CGAS: variants seen among roughly 807,000 people sequenced by gnomAD.
The protein encoded by CGAS is cyclic GMP-AMP synthase.
In CGAS, 31 loss-of-function variants were observed where a neutral mutation model predicts 34.0. The observed-to-expected ratio is 0.91, with a 90% CI of 0.69 to 1.23. The LOEUF is 1.23. Among genes scored for constraint, CGAS ranks in the 50% most tolerant of loss-of-function variants. The pLI is 0.00. For synonymous variants in CGAS, 266 were observed against 260.0 expected, an observed-to-expected ratio of 1.02 and a Z score of -0.22; for missense variants, 597 against 657.6, an observed-to-expected ratio of 0.91 and a Z score of 1.01.
rs534147771 is a variant in CGAS at position 73,451,130 on chromosome 6, T to C, written c.657+395A>G. Among the ~76,000 whole-genome samples, 6 of 152,210 alleles carry C rather than the reference T, an allele frequency of 3.9e-5. No homozygotes were observed. The South Asian group carries it at 1.0e-3, about 26-fold the overall frequency. ...TCTATGGAGTAAGAGGTCTTCCTCA[T>C]AGGAAAAAGTCTACGTGGAATTTTT... On this transcript the variant is annotated intron_variant, in intron 1 of 4. Transcript: ENST00000370315.
chr6:73,426,700 T>C (rs1344517778), intron 4 of CGAS, among the ~76,000 whole-genome samples: 1 of 152,040 alleles, frequency 6.6e-6, no homozygotes, highest in Non-Finnish European at 1.5e-5. Context: ...AAATTTTTTC[T>C]TTTCTAAAAT....
rs753473978 is a variant in CGAS, at chr6:73,428,761, T to G, written c.1165A>C (p.Asn389His). The G allele has an allele frequency of 5.0e-6, 8 of 1,613,936 alleles. No homozygotes were observed. The South Asian group carries it at 6.6e-5, about 13-fold the overall frequency. Residue 389 changes from asparagine to histidine, a missense_variant, in exon 4 of 5, where the codon AAT becomes CAT. Physicochemically the swap from Asn to His is moderately conservative, Grantham distance 68. This residue lies in a region of CGAS where 271 missense variants were observed against 324.1 expected (regional missense o/e 0.84). Coordinates refer to ENST00000370315, the MANE Select transcript of CGAS (RefSeq NM_138441.3). ...CAGCACGTTTTAGATTTTCCATGAT[T>G]GTTCAAAATTTCCTTTTCGATGTGA... ...FSHIEKEILN[N>H]HGKSKTCCEN...
intron 1 of CGAS, among the ~76,000 whole-genome samples, chr6:73,449,476 A>ACACACACACAC (rs1770525650): frequency 7.0e-6 from 1 of 142,808 alleles, no homozygotes; most frequent in South Asian, 2.4e-4. Context: ...CTCTGTCTCA[A>ACACACACACAC]ACACACACAC....
intron 3 of CGAS, among the ~76,000 whole-genome samples, chr6:73,429,933 C>A (rs1410210956): frequency 6.6e-6 from 1 of 151,986 alleles, no homozygotes; most frequent in African/African-American, 2.4e-5. Flanking sequence ...AGTTTATAAT[C>A]TGAATGATTT....
At chr6:73,431,425 C>T (rs965076475) in intron 3 of CGAS, among the ~76,000 whole-genome samples, 3 of 152,170 alleles carry the variant, frequency 2.0e-5, no homozygotes, top group East Asian at 3.9e-4. Context: ...GAGCCAAGAT[C>T]GGGCGATTGC....
rs183690204 is a variant in CGAS, at chr6:73,440,442, G to C, written c.881C>G (p.Thr294Arg). The part of the protein sequence containing the change: ...IKEEINDIKD[T>R]DVIMKRKRGG... ...TCTTTTCCTCTTCATGATGACATCTGTATCTGGTTGAACATATAAAAGAAA... is the reference window on the plus strand; with the variant it reads ...TCTTTTCCTCTTCATGATGACATCTCTATCTGGTTGAACATATAAAAGAAA... The change falls in exon 3 of 5, where the codon ACA (threonine) becomes AGA (arginine). Residue 294 changes from threonine (T) to arginine (R), a missense_variant. This residue lies in a region of CGAS where 271 missense variants were observed against 324.1 expected (regional missense o/e 0.84). Transcript: ENST00000370315. 1.2e-6 allele frequency: 2 copies of C among 1,604,984 alleles called. No individual in the cohort carries two copies. Among genetic ancestry groups the C allele is most frequent in the East Asian group, 4.5e-5 (2 of 44,842 alleles).
In CGAS at chr6:73,428,130, A is replaced by T. The variant is rs1164536801; in HGVS notation, c.1217+579T>A. On this transcript the variant is annotated intron_variant, in intron 4 of 4. Coordinates refer to ENST00000370315, the MANE Select transcript of CGAS (RefSeq NM_138441.3). ...TCTCAGCTACTTGGGGGGCTGAGGT[A>T]GGATGATTGCTTGAGCCCAGGAGAT... 9.3e-5 allele frequency among the ~76,000 whole-genome samples: 14 copies of T among 150,318 alleles called. No individual in the cohort carries two copies. In the Admixed American group the frequency reaches 9.3e-4, roughly 10 times the overall value.
chr6:73,428,725 CTTTGTTT>C lies in CGAS; in HGVS notation c.1194_1200del (p.Asn399LysfsTer10). 1 of 1,612,706 alleles carries C rather than the reference CTTTGTTT, an allele frequency of 6.2e-7. No individual in the cohort carries two copies. Among genetic ancestry groups the C allele is most frequent in the Non-Finnish European group, 8.5e-7 (1 of 1,179,636 alleles). ...GGCTGTTACCTGCAACATTTCTCTTCTTTGTTTTCACAGCACGTTTTAGATTTTCCAT... is the reference window on the plus strand; with the variant it reads ...GGCTGTTACCTGCAACATTTCTCTTCTCACAGCACGTTTTAGATTTTCCAT... On this transcript the variant is annotated frameshift_variant, in exon 4 of 5. Coordinates refer to ENST00000370315, the MANE Select transcript of CGAS (RefSeq NM_138441.3). LOFTEE classifies it low-confidence loss of function (END_TRUNC).
chr6:73,448,644 T>A (rs2150018491), intron 1 of CGAS, among the ~76,000 whole-genome samples: 1 of 152,200 alleles, frequency 6.6e-6, no homozygotes, highest in East Asian at 1.9e-4. Flanking sequence ...TGCCACCACA[T>A]CCAGTTAATT....
rs779551524 is a variant in CGAS, at chr6:73,445,700, G to A, written c.705C>T (p.Pro235=). The A allele has an allele frequency of 6.2e-7, 1 of 1,611,296 alleles. No individual in the cohort carries two copies. The highest frequency in any genetic ancestry group is 8.5e-7 in the Non-Finnish European group (1 of 1,179,184). Residue 235 remains proline (P), a synonymous_variant, in exon 2 of 5, where the codon CCC becomes CCT. Coordinates refer to ENST00000370315, the MANE Select transcript of CGAS (RefSeq NM_138441.3). ...TGGAATATTCTTCTAGTTGAATTCTGGGGACTTCCAGTTTAAACATGACAT... is the reference window on the plus strand; with the variant it reads ...TGGAATATTCTTCTAGTTGAATTCTAGGGACTTCCAGTTTAAACATGACAT... ...EFDVMFKLEV[P]RIQLEEYSNT...
rs1770567186 is a variant in CGAS, at chr6:73,451,637, G to C, written c.545C>G (p.Ala182Gly). Residue 182 changes from alanine to glycine, a missense_variant, in exon 1 of 5, where the codon GCG becomes GGG. By Grantham distance (60) the Ala-to-Gly change is moderately conservative. Transcript: ENST00000370315. ...LKLSRDDIST[A>G]AGMVKGVVDH... ...CACAACCCCTTTCACCATCCCCGCC[G>C]CCGTGGAGATATCATCGCGGCTGAG... 2 of 1,614,006 alleles carry C rather than the reference G, an allele frequency of 1.2e-6. No homozygotes were observed. The highest frequency in any genetic ancestry group is 3.3e-5 in the Admixed American group (2 of 59,982).
At chr6:73,436,302 T>C (rs1770278038) in intron 3 of CGAS, among the ~76,000 whole-genome samples, 1 of 150,636 alleles carries the variant, frequency 6.6e-6, no homozygotes, top group African/African-American at 2.4e-5. Flanking sequence ...CTAAAGTCTA[T>C]ACTTTATCCA....
At chr6:73,439,003 TC>T (rs1184319561) in intron 3 of CGAS, among the ~76,000 whole-genome samples, 5 of 152,182 alleles carry the variant, frequency 3.3e-5, no homozygotes, top group Admixed American at 3.3e-4. Context: ...AGAAAATGAT[TC>T]CTCTATGTAT....
intron 3 of CGAS, among the ~76,000 whole-genome samples, chr6:73,431,572 ACT>A (rs1770196186): frequency 6.6e-6 from 1 of 152,214 alleles, no homozygotes; most frequent in Admixed American, 6.6e-5. Context: ...TCTTTGGGAA[ACT>A]CTACAGGAAA....
At chr6:73,448,908 G>A (rs533006410) in intron 1 of CGAS, among the ~76,000 whole-genome samples, 67 of 152,012 alleles carry the variant, frequency 4.4e-4, no homozygotes, top group Middle Eastern at 3.4e-3. Context: ...TGGCCAACAT[G>A]CTGAAACCTT....
intron 3 of CGAS, among the ~76,000 whole-genome samples, chr6:73,435,741 C>T (rs979198849): frequency 1.4e-5 from 2 of 147,304 alleles, no homozygotes; most frequent in African/African-American, 5.0e-5. Flanking sequence ...GAGTTTGAGA[C>T]CAGCCTGGGC....
At chr6:73,448,329 G>T (rs1381366677) in intron 1 of CGAS, among the ~76,000 whole-genome samples, 1 of 152,064 alleles carries the variant, frequency 6.6e-6, no homozygotes, top group Admixed American at 6.6e-5. Flanking sequence ...GGAGGCAGAG[G>T]TTGCAGTGAG....
chr6:73,427,859 T>C (rs1313285887), intron 4 of CGAS, among the ~76,000 whole-genome samples: 3 of 151,910 alleles, frequency 2.0e-5, no homozygotes, highest in Non-Finnish European at 4.4e-5. Context: ...GTCACCCAGG[T>C]TGCAGTGCAG....
In CGAS at chr6:73,428,780, G is replaced by A. The variant is rs73754628; in HGVS notation, c.1146C>T (p.Ile382=). The A allele has an allele frequency of 0.031, 49,783 of 1,612,954 alleles. 1,141 individuals are homozygous for A. The highest frequency in any genetic ancestry group is 0.11 in the African/African-American group (8,127 of 74,870). ...EETWRLSFSH[I]EKEILNNHGK... is the part of the protein sequence containing the mutation. ...CATGATTGTTCAAAATTTCCTTTTC[G>A]ATGTGAGAGAAGGATAGCCGCCATG... The change falls in exon 4 of 5, where the codon ATC becomes ATT. Residue 382 remains isoleucine, a synonymous_variant. Coordinates refer to ENST00000370315, the MANE Select transcript of CGAS (RefSeq NM_138441.3).
Sources: gnomAD v4.1 joint callset for allele counts (sites outside exome capture counted in the v4.1 genomes callset) on GRCh38, gnomAD v4.1.1 for gene constraint, gnomAD v4.1.1 regional missense constraint, MANE v1.5 for transcripts, NCBI Gene and HGNC (gene_info 2026-07-23, HGNC 2026-07-21) for gene names.